Variants in NFATC2 observed in about 807,000 individuals in gnomAD.
The protein encoded by NFATC2 is nuclear factor of activated T-cells, cytoplasmic 2.
In NFATC2, 22 loss-of-function variants were observed where a neutral mutation model predicts 87.3. That is an observed-to-expected ratio of 0.25 (90% CI 0.18 to 0.36). NFATC2 has a LOEUF of 0.36. Among genes scored for constraint, NFATC2 ranks in the 10% least tolerant of loss-of-function variants. NFATC2 has a pLI of 1.00. For missense variants in NFATC2, 1,149 were observed against 1,259.1 expected (o/e 0.91, Z 1.32); for synonymous variants, 565 against 542.2 (o/e 1.04, Z -0.58).
intron 3 of NFATC2, among the ~76,000 whole-genome samples, chr20:51,476,675 A>G (rs1988744398): frequency 6.6e-6 from 1 of 152,208 alleles, no homozygotes; most frequent in African/African-American, 2.4e-5. Context: ...TCTAGCACCT[A>G]GAGTAACGCT....
chr20:51,539,547 G>A (rs1034062273), intron 1 of NFATC2, among the ~76,000 whole-genome samples: 4 of 152,192 alleles, frequency 2.6e-5, no homozygotes, highest in Admixed American at 2.0e-4. Flanking sequence ...GCAGTGGCAC[G>A]ATCACGGCTC....
chr20:51,537,943 C>A (rs2076747167), intron 1 of NFATC2, among the ~76,000 whole-genome samples: 1 of 152,128 alleles, frequency 6.6e-6, no homozygotes, highest in African/African-American at 2.4e-5. Flanking sequence ...AAAATTGACT[C>A]CAGTAGAAGT....
chr20:51,389,193 G>T lies in NFATC2; in HGVS notation c.*2303C>A, dbSNP rs1986074010. 6.6e-6 allele frequency: 1 copy of T among 152,176 alleles called. No homozygotes were observed. The highest frequency in any genetic ancestry group is 6.5e-5 in the Admixed American group (1 of 15,284). The allele number at this position is 152,176 out of a possible 1,614,324, so 9.4% of individuals were successfully genotyped here. ...CGCGTACAGGAGGTTGAGCTACCAG[G>T]AGGCCGTTTTTGCTAACATAGTTAG... On this transcript the variant is annotated 3_prime_UTR_variant, in exon 11 of 11. Coordinates refer to ENST00000371564, the MANE Select transcript of NFATC2 (RefSeq NM_012340.5).
chr20:51,418,155 G>T (rs111905239), intron 9 of NFATC2, among the ~76,000 whole-genome samples: 3,633 of 152,314 alleles, frequency 0.024, 148 homozygotes, highest in African/African-American at 0.083. Flanking sequence ...CCCACACTCA[G>T]AGAGTGCTAG....
At chr20:51,420,935 C>T (rs886324815) in intron 9 of NFATC2, among the ~76,000 whole-genome samples, 6 of 151,930 alleles carry the variant, frequency 3.9e-5, no homozygotes, top group African/African-American at 1.5e-4. Flanking sequence ...ATAGCAGGCA[C>T]CTACAGTCCC....
At chr20:51,409,546 G>A (rs1457819018) in intron 9 of NFATC2, among the ~76,000 whole-genome samples, 1 of 152,200 alleles carries the variant, frequency 6.6e-6, no homozygotes, top group Non-Finnish European at 1.5e-5. Context: ...CAGAATCACT[G>A]AGCATCATGG....
chr20:51,433,233 C>A (rs891274992), intron 8 of NFATC2, among the ~76,000 whole-genome samples: 1 of 152,186 alleles, frequency 6.6e-6, no homozygotes, highest in African/African-American at 2.4e-5. Flanking sequence ...AAAGAGAGGA[C>A]TTTTGTCTGG....
intron 5 of NFATC2, among the ~76,000 whole-genome samples, chr20:51,470,629 T>TGA (rs1988117596): frequency 6.6e-6 from 1 of 152,208 alleles, no homozygotes; most frequent in Non-Finnish European, 1.5e-5. Flanking sequence ...TCACTCTCCC[T>TGA]GTCATTGGAG....
At chr20:51,442,653 A>G (rs1356354765) in intron 6 of NFATC2, among the ~76,000 whole-genome samples, 1 of 152,060 alleles carries the variant, frequency 6.6e-6, no homozygotes, top group Non-Finnish European at 1.5e-5. Flanking sequence ...AGAAACATGT[A>G]ACATCACAGT....
chr20:51,502,908 G>C (rs6013202), intron 3 of NFATC2, among the ~76,000 whole-genome samples: 1 of 152,116 alleles, frequency 6.6e-6, no homozygotes, highest in Non-Finnish European at 1.5e-5. Flanking sequence ...GATGTCAAGA[G>C]GATCAATTCA....
At chr20:51,410,067 A>G (rs543088415) in intron 9 of NFATC2, among the ~76,000 whole-genome samples, 6 of 152,058 alleles carry the variant, frequency 3.9e-5, no homozygotes, top group Non-Finnish European at 7.4e-5. Flanking sequence ...AAAATTAGCC[A>G]GGCGTGGTGG....
At chr20:51,437,101 A>C (rs1198785946) in intron 6 of NFATC2, among the ~76,000 whole-genome samples, 1 of 131,754 alleles carries the variant, frequency 7.6e-6, no homozygotes, top group Non-Finnish European at 1.6e-5. Flanking sequence ...TTTGGGGCCA[A>C]GAAGTTGGGC....
chr20:51,539,665 A>AT (rs1004838538), intron 1 of NFATC2, among the ~76,000 whole-genome samples: 1 of 151,960 alleles, frequency 6.6e-6, no homozygotes, highest in Admixed American at 6.6e-5. Context: ...TAATTGTTTT[A>AT]TTTTTTTATT....
At chr20:51,448,658 A>G (rs370309117) in intron 6 of NFATC2, among the ~76,000 whole-genome samples, 1 of 152,156 alleles carries the variant, frequency 6.6e-6, no homozygotes, top group African/African-American at 2.4e-5. Flanking sequence ...TCTCAAAAAA[A>G]AAGAAAAGAA....
chr20:51,516,532 A>G (rs1434432918), intron 3 of NFATC2, among the ~76,000 whole-genome samples: 1 of 152,224 alleles, frequency 6.6e-6, no homozygotes, highest in Non-Finnish European at 1.5e-5. Context: ...CATCAGAAAG[A>G]GAAGGGAAGA....
intron 5 of NFATC2, among the ~76,000 whole-genome samples, chr20:51,469,258 C>A (rs1012962185): frequency 3.3e-5 from 5 of 152,190 alleles, no homozygotes; most frequent in Non-Finnish European, 7.4e-5. Context: ...CTCAAGCGAT[C>A]GTCCGGCCTT....
chr20:51,411,008 T>C (rs1164813525), intron 9 of NFATC2, among the ~76,000 whole-genome samples: 1 of 152,210 alleles, frequency 6.6e-6, no homozygotes, highest in Admixed American at 6.5e-5. Flanking sequence ...ATAATGATAG[T>C]GGTGGCAGTG....
upstream of NFATC2, among the ~76,000 whole-genome samples, chr20:51,547,132 T>C (rs73616803): frequency 7.9e-4 from 120 of 152,218 alleles, 2 homozygotes; most frequent in East Asian, 0.022. Context: ...TTTTAGATGA[T>C]GGCTCTGGGT....
At chr20:51,492,713 C>T (rs1427966446) in intron 3 of NFATC2, among the ~76,000 whole-genome samples, 6 of 152,178 alleles carry the variant, frequency 3.9e-5, no homozygotes, top group Admixed American at 2.6e-4. Context: ...GGCCGGGGCT[C>T]CATGCCAGGC....
Sources: gnomAD v4.1 joint callset for allele counts (sites outside exome capture counted in the v4.1 genomes callset) on GRCh38, gnomAD v4.1.1 for gene constraint, MANE v1.5 for transcripts, NCBI Gene and HGNC (gene_info 2026-07-23, HGNC 2026-07-21) for gene names.